Variants in SPDYE14 observed in about 807,000 individuals in gnomAD.
The protein encoded by SPDYE14 is speedy protein E14.
chr7:75,261,212 T>C, the SPDYE14 span, among the ~76,000 whole-genome samples: 1 of 77,768 alleles, frequency 1.3e-5, no homozygotes, highest in Non-Finnish European at 3.1e-5. Flanking sequence ...CCACCTTCCA[T>C]GAAGGGTTTG....
the SPDYE14 span, among the ~76,000 whole-genome samples, chr7:75,273,130 G>A: frequency 6.7e-5 from 4 of 59,768 alleles, 2 homozygotes; most frequent in Non-Finnish European, 8.7e-5. Flanking sequence ...TGAGATGTGC[G>A]TGCTTCCCCT....
chr7:75,276,685 C>G, the SPDYE14 span, among the ~76,000 whole-genome samples: 1 of 115,614 alleles, frequency 8.6e-6, no homozygotes, highest in South Asian at 3.2e-4. Flanking sequence ...ATGCTTGAGC[C>G]CAGGAGCTTG....
the SPDYE14 span, among the ~76,000 whole-genome samples, chr7:75,262,307 A>G: frequency 1.3e-5 from 1 of 74,282 alleles, no homozygotes; most frequent in Non-Finnish European, 3.3e-5. Context: ...CCCTAACACA[A>G]AAAGCTCTAT....
the SPDYE14 span, among the ~76,000 whole-genome samples, chr7:75,241,695 ATTTTTTT>A: frequency 1.3e-4 from 2 of 15,488 alleles, no homozygotes; most frequent in African/African-American, 3.3e-4. Context: ...ATATATATAT[ATTTTTTT>A]TTTTTTTTTT....
chr7:75,245,422 C>T, the SPDYE14 span, among the ~76,000 whole-genome samples: 1 of 113,164 alleles, frequency 8.8e-6, no homozygotes. Context: ...GAGACTATGT[C>T]TCAAAGAAAA....
chr7:75,264,665 T>G, the SPDYE14 span, among the ~76,000 whole-genome samples: 1 of 20,538 alleles, frequency 4.9e-5, no homozygotes, highest in African/African-American at 1.1e-4. Context: ...GCAATAAACA[T>G]TCCTGTAAAT....
chr7:75,278,525 G>C, the SPDYE14 span, among the ~76,000 whole-genome samples: 2 of 20,364 alleles, frequency 9.8e-5, 1 homozygote, highest in Non-Finnish European at 3.1e-4. Context: ...AGGTTGCAGT[G>C]AGCCCAGTGC....
At chr7:75,249,832 C>A in the SPDYE14 span, among the ~76,000 whole-genome samples, 16 of 124,610 alleles carry the variant, frequency 1.3e-4, no homozygotes, top group Admixed American at 2.5e-4. Context: ...CACCACCACA[C>A]CCGGCTAATT....
At chr7:75,240,574 C>A in the SPDYE14 span, among the ~76,000 whole-genome samples, 1 of 52,542 alleles carries the variant, frequency 1.9e-5, no homozygotes, top group African/African-American at 5.2e-5. Flanking sequence ...CCAGCCTGGG[C>A]GACAGAATGA....
the SPDYE14 span, among the ~76,000 whole-genome samples, chr7:75,261,453 C>CG: frequency 5.0e-4 from 20 of 39,926 alleles, no homozygotes; most frequent in Non-Finnish European, 6.7e-4. Flanking sequence ...TCAAGAACAC[C>CG]TTTTTTTTTT....
At chr7:75,276,411 C>T in the SPDYE14 span, among the ~76,000 whole-genome samples, 1 of 20,760 alleles carries the variant, frequency 4.8e-5, no homozygotes, top group South Asian at 1.8e-3. Context: ...ACAACAACAA[C>T]AAAAAAAAAA....
At chr7:75,241,695 A>AT in the SPDYE14 span, among the ~76,000 whole-genome samples, 157 of 15,500 alleles carry the variant, frequency 0.01, 9 homozygotes, top group South Asian at 0.044. Flanking sequence ...ATATATATAT[A>AT]TTTTTTTTTT....
the SPDYE14 span, among the ~76,000 whole-genome samples, chr7:75,268,871 GA>G: frequency 6.1e-4 from 15 of 24,582 alleles, no homozygotes; most frequent in South Asian, 1.7e-3. Flanking sequence ...GAGAGAGAGA[GA>G]GAGAGAGAGA....
chr7:75,272,840 G>T, the SPDYE14 span, among the ~76,000 whole-genome samples: 1 of 50,564 alleles, frequency 2.0e-5, no homozygotes, highest in Non-Finnish European at 5.1e-5. Context: ...GAGCCCAGAT[G>T]GCACCACTGC....
the SPDYE14 span, among the ~76,000 whole-genome samples, chr7:75,265,307 T>C: frequency 3.2e-4 from 29 of 91,460 alleles, no homozygotes; most frequent in African/African-American, 1.0e-3. Flanking sequence ...CAGGGTTTCA[T>C]GATGTTGGTC....
chr7:75,238,066 T>C, the SPDYE14 span, among the ~76,000 whole-genome samples: 2 of 114,678 alleles, frequency 1.7e-5, no homozygotes, highest in African/African-American at 5.5e-5. Flanking sequence ...CGCCAAGATG[T>C]AGGGCAATCG....
At chr7:75,249,578 TTTCCTTCCTTCCTTCCTTCC>T in the SPDYE14 span, among the ~76,000 whole-genome samples, 26 of 60,298 alleles carry the variant, frequency 4.3e-4, no homozygotes, top group Middle Eastern at 7.2e-3. Flanking sequence ...TCCTTCCTTC[TTTCCTTCCTTCCTTCCTTCC>T]TTCCTTCCTT....
the SPDYE14 span, among the ~76,000 whole-genome samples, chr7:75,247,504 AGAG>A: frequency 1.7e-5 from 2 of 120,910 alleles, no homozygotes; most frequent in Non-Finnish European, 4.0e-5. Context: ...AAAGAAAGAA[AGAG>A]GAAAGAAAGA....
chr7:75,271,927 G>C, the SPDYE14 span, among the ~76,000 whole-genome samples: 2 of 12,746 alleles, frequency 1.6e-4, 1 homozygote, highest in Non-Finnish European at 4.5e-4. Context: ...CTGGAGTGCA[G>C]AGACACGATC....
Sources: gnomAD v4.1 joint callset for allele counts (sites outside exome capture counted in the v4.1 genomes callset) on GRCh38, gnomAD v4.1.1 for gene constraint, MANE v1.5 for transcripts, NCBI Gene and HGNC (gene_info 2026-07-23, HGNC 2026-07-21) for gene names.